The following RHBDL3 variants were observed in gnomAD, a reference collection of about 807,000 sequenced individuals.
The protein encoded by RHBDL3 is rhomboid like 3, also known as rhomboid-related protein 3.
Under a neutral mutation model 48.2 loss-of-function variants are expected in RHBDL3, and 28 were observed. The ratio of observed to expected loss-of-function variants is 0.58; its 90% confidence interval spans 0.43 to 0.80. RHBDL3 has a LOEUF of 0.80. Among genes scored for constraint, RHBDL3 ranks in the 30% least tolerant of loss-of-function variants. The probability of loss-of-function intolerance (pLI) is 0.00; values close to 1 mark genes in which losing one functional copy is unlikely to be tolerated. For missense variants in RHBDL3, 464 were observed against 542.7 expected (o/e 0.85, Z 1.44); for synonymous variants, 208 against 232.3 (o/e 0.90, Z 0.95).
At chr17:32,270,385 A>T (rs1772034916) in intron 2 of RHBDL3, among the ~76,000 whole-genome samples, 1 of 151,644 alleles carries the variant, frequency 6.6e-6, no homozygotes, top group African/African-American at 2.4e-5. Context: ...GGTGTTAGGG[A>T]TGGATTAGAC....
At chr17:32,270,683 C>T (rs118110245) in intron 2 of RHBDL3, among the ~76,000 whole-genome samples, 10 of 152,180 alleles carry the variant, frequency 6.6e-5, no homozygotes, top group Non-Finnish European at 1.3e-4. Context: ...CTCACTCCCC[C>T]GATTCTTCCC....
Position 32,284,655 on chromosome 17 carries a change from T to G in RHBDL3, c.136-4T>G. 2 of 1,613,562 alleles carry G rather than the reference T, an allele frequency of 1.2e-6. No individual in the cohort carries two copies. The highest frequency in any genetic ancestry group is 1.7e-6 in the Non-Finnish European group (2 of 1,179,526). On this transcript the variant is annotated splice_polypyrimidine_tract_variant and splice_region_variant and intron_variant, in intron 2 of 8. Coordinates refer to ENST00000269051, the MANE Select transcript of RHBDL3 (RefSeq NM_138328.3). ...GACCCTGCTGCTGTCTGCTTTTCCCTCAGTTTGACCCTGGGAACACAGGCT... is the reference window on the plus strand; with the variant it reads ...GACCCTGCTGCTGTCTGCTTTTCCCGCAGTTTGACCCTGGGAACACAGGCT...
intron 4 of RHBDL3, among the ~76,000 whole-genome samples, chr17:32,291,771 CTTTT>C (rs36113178): frequency 3.0e-5 from 4 of 131,250 alleles, no homozygotes; most frequent in African/African-American, 5.7e-5. Context: ...TGAGATATTC[CTTTT>C]TTTTTTTTTT....
At chr17:32,275,112 G>A (rs868260900) in intron 2 of RHBDL3, among the ~76,000 whole-genome samples, 29 of 152,152 alleles carry the variant, frequency 1.9e-4, no homozygotes, top group Admixed American at 1.8e-3. Context: ...AAGCAGCGGC[G>A]GCCAGCAGTT....
intron 2 of RHBDL3, among the ~76,000 whole-genome samples, chr17:32,279,149 A>G (rs2039982921): frequency 6.6e-6 from 1 of 152,172 alleles, no homozygotes; most frequent in Non-Finnish European, 1.5e-5. Flanking sequence ...AACAATAATA[A>G]TTAATATGCT....
In RHBDL3 at chr17:32,321,225, C is replaced by T. The variant is rs147187789; in HGVS notation, c.1211C>T (p.Pro404Leu). 5.6e-6 allele frequency: 9 copies of T among 1,614,206 alleles called. No homozygotes were observed. In the South Asian group the frequency reaches 6.6e-5, roughly 12 times the overall value. ...TLLDLKLPPP[P>L] is the part of the protein sequence containing the mutation. ...CTGGACTTAAAGCTGCCGCCTCCCC[C>T]CTGAGGGCTGGAGGCCCAAGGTCGG... The change falls in exon 9 of 9, where the codon CCC (proline) becomes CTC (leucine). Residue 404 changes from proline (P) to leucine (L), a missense_variant. Pro to Leu is a moderately conservative substitution (Grantham distance 98, BLOSUM62 -3). Coordinates refer to ENST00000269051, the MANE Select transcript of RHBDL3 (RefSeq NM_138328.3).
At chr17:32,299,898 G>C (rs1251756740) in intron 6 of RHBDL3, among the ~76,000 whole-genome samples, 1 of 152,212 alleles carries the variant, frequency 6.6e-6, no homozygotes, top group African/African-American at 2.4e-5. Flanking sequence ...TGATTGAGTT[G>C]ATTGATCTGT....
intron 8 of RHBDL3, among the ~76,000 whole-genome samples, chr17:32,316,865 A>ATTTAT (rs1182877285): frequency 5.5e-5 from 8 of 144,600 alleles, no homozygotes; most frequent in East Asian, 3.9e-4. Context: ...ATTTTATTTT[A>ATTTAT]TTTATTTTAT....
At chr17:32,320,081 A>G (rs1340455672) in intron 8 of RHBDL3, among the ~76,000 whole-genome samples, 2 of 152,032 alleles carry the variant, frequency 1.3e-5, no homozygotes, top group Non-Finnish European at 2.9e-5. Context: ...AGGCCTGAGC[A>G]ACATAGTAAG....
chr17:32,309,552 C>CA (rs2040791220), intron 7 of RHBDL3, among the ~76,000 whole-genome samples: 1 of 151,552 alleles, frequency 6.6e-6, no homozygotes, highest in East Asian at 2.0e-4. Flanking sequence ...AACTCTGTCT[C>CA]AAAAAAGAAA....
intron 2 of RHBDL3, among the ~76,000 whole-genome samples, chr17:32,274,151 A>G (rs1260611658): frequency 6.6e-6 from 1 of 152,180 alleles, no homozygotes; most frequent in Admixed American, 6.5e-5. Context: ...AACTTTCCAG[A>G]GAGAAAGGAG....
chr17:32,314,472 C>T (rs11657283), intron 7 of RHBDL3, among the ~76,000 whole-genome samples: 56,578 of 151,992 alleles, frequency 0.37, 12,244 homozygotes, highest in Non-Finnish European at 0.48. Context: ...CATGAGCCAC[C>T]GCGCCCAGCC....
intron 1 of RHBDL3, among the ~76,000 whole-genome samples, 182 bp downstream of exon 1, chr17:32,266,482 C>G (rs1335595919): frequency 6.6e-6 from 1 of 152,148 alleles, no homozygotes; most frequent in Non-Finnish European, 1.5e-5. Flanking sequence ...CGCGCGCGCA[C>G]CGCTTCCCCC....
chr17:32,270,041 T>A (rs2039733602), intron 2 of RHBDL3, among the ~76,000 whole-genome samples: 1 of 148,636 alleles, frequency 6.7e-6, no homozygotes, highest in African/African-American at 2.5e-5. Context: ...AGGAAAGAAA[T>A]TAGGCCAGGC....
At chr17:32,293,801 A>T (rs1030332712) in intron 4 of RHBDL3, among the ~76,000 whole-genome samples, 1 of 150,776 alleles carries the variant, frequency 6.6e-6, no homozygotes, top group African/African-American at 2.4e-5. Context: ...TTTGACACAA[A>T]ATAAGCAAAC....
At chr17:32,307,171 G>A (rs898351308) in intron 7 of RHBDL3, among the ~76,000 whole-genome samples, 5 of 152,110 alleles carry the variant, frequency 3.3e-5, no homozygotes, top group Admixed American at 6.5e-5. Context: ...AACCCTGCCC[G>A]ATCCCTCTGC....
intron 6 of RHBDL3, among the ~76,000 whole-genome samples, chr17:32,301,606 A>T (rs1449051706): frequency 6.6e-6 from 1 of 151,998 alleles, no homozygotes; most frequent in Non-Finnish European, 1.5e-5. Flanking sequence ...AGATCACATG[A>T]GATGGGGAGT....
In RHBDL3 at chr17:32,321,854, T is replaced by C. The variant is rs1332527035; in HGVS notation, c.*625T>C. ...TGGGCAGAGCAGGGAGCCTGTAGGC[T>C]CTAGGACCCCTCTTGTGCTGGGGGT... On this transcript the variant is annotated 3_prime_UTR_variant, in exon 9 of 9. Transcript: ENST00000269051. 1 of 165,822 alleles carries C rather than the reference T, an allele frequency of 6.0e-6. No homozygotes were observed. Among genetic ancestry groups the C allele is most frequent in the Non-Finnish European group, 1.3e-5 (1 of 75,062 alleles). 10.3% of individuals were successfully genotyped at this position (165,822 alleles called of 1,614,324 possible).
chr17:32,291,034 C>T (rs1029787380), intron 4 of RHBDL3, among the ~76,000 whole-genome samples: 4 of 140,222 alleles, frequency 2.9e-5, no homozygotes, highest in Non-Finnish European at 4.6e-5. Context: ...AAAAGAAATA[C>T]AAGAATTTGG....
Sources: gnomAD v4.1 joint callset for allele counts (sites outside exome capture counted in the v4.1 genomes callset) on GRCh38, gnomAD v4.1.1 for gene constraint, MANE v1.5 for transcripts, NCBI Gene and HGNC (gene_info 2026-07-23, HGNC 2026-07-21) for gene names.